The following ADGRB1 variants were observed in gnomAD, a reference collection of about 807,000 sequenced individuals.
The protein encoded by ADGRB1 is adhesion G protein-coupled receptor B1.
A neutral mutation model predicts 175.7 loss-of-function variants in ADGRB1; 36 were observed. The observed-to-expected ratio is 0.20, with a 90% CI of 0.16 to 0.27. ADGRB1 has a LOEUF of 0.27. Among genes scored for constraint, ADGRB1 ranks in the 10% least tolerant of loss-of-function variants. ADGRB1 has a pLI of 1.00. For missense variants in ADGRB1, 1,731 were observed against 2,255.3 expected, an observed-to-expected ratio of 0.77 and a Z score of 4.71; for synonymous variants, 1,054 against 979.4, an observed-to-expected ratio of 1.08 and a Z score of -1.42.
rs890750234 is a variant in ADGRB1, at chr8:142,474,742, GAGAA to G, written c.785-728_785-725del. ...CGCGGGGACTGTCGGGGCAGGGATG[GAGAA>G]AGACTCACTAGAGAAGCTGAACAGA... On this transcript the variant is annotated intron_variant, in intron 2 of 30. Transcript: ENST00000517894. This position sits in a 1 kb window ranked among gnomAD's most constrained non-coding sequence, Gnocchi z 5.8. Among the ~76,000 whole-genome samples, 1 of 152,166 alleles carries G rather than the reference GAGAA, an allele frequency of 6.6e-6. No homozygotes were observed. The highest frequency in any genetic ancestry group is 2.4e-5 in the African/African-American group (1 of 41,446).
intron 2 of ADGRB1, among the ~76,000 whole-genome samples, chr8:142,473,085 T>A (rs1840751700): frequency 6.6e-6 from 1 of 152,110 alleles, no homozygotes; most frequent in Non-Finnish European, 1.5e-5. Flanking sequence ...GTGGGTGTTT[T>A]GGCAGCTGAG....
intron 1 of ADGRB1, among the ~76,000 whole-genome samples, chr8:142,456,346 C>T (rs991468077): frequency 2.0e-5 from 3 of 152,154 alleles, no homozygotes; most frequent in African/African-American, 7.2e-5. Flanking sequence ...CCTGCACACA[C>T]GCATGTGCAC....
chr8:142,469,741 ATG>A (rs962211501), intron 2 of ADGRB1, among the ~76,000 whole-genome samples: 8 of 150,960 alleles, frequency 5.3e-5, no homozygotes, highest in African/African-American at 1.5e-4. Context: ...ATGTGTGTGA[ATG>A]TGTGAGTGCC....
At position 142,481,748 on chromosome 8, in the gene ADGRB1, G is replaced by A. The variant is rs375811347; in HGVS notation, c.2130+37G>A. On this transcript the variant is annotated intron_variant, in intron 11 of 30. Coordinates refer to ENST00000517894, the MANE Select transcript of ADGRB1 (RefSeq NM_001702.3). ...GAGCGGCATTTTGGAAGAGGGTGTCGGGAAGGTGTCTGGGGAGCCCTCCTC... is the reference window on the plus strand; with the variant it reads ...GAGCGGCATTTTGGAAGAGGGTGTCAGGAAGGTGTCTGGGGAGCCCTCCTC... The A allele has an allele frequency of 5.2e-5, 77 of 1,481,372 alleles. 1 individual carries two copies. The Middle Eastern group carries it at 7.1e-4, about 14-fold the overall frequency. 91.8% of individuals were successfully genotyped at this position (1,481,372 alleles called of 1,614,324 possible). A position where few individuals can be genotyped will look rare whatever the true frequency, so the allele number is the denominator to read the frequency against.
Position 142,524,232 on chromosome 8 carries a change from C to T in ADGRB1, c.3246-6C>T, listed in dbSNP as rs759834923. On this transcript the variant is annotated splice_polypyrimidine_tract_variant and splice_region_variant and intron_variant, in intron 22 of 30. Transcript: ENST00000517894. ...GGGCGGTGCTGATGGCCTGTCTCCT[C>T]CCCAGCTGCTGGCTCTCCCTGGAGG... 1.0e-5 allele frequency: 16 copies of T among 1,598,336 alleles called. No homozygotes were observed. The highest frequency in any genetic ancestry group is 4.5e-5 in the East Asian group (2 of 44,788).
intron 16 of ADGRB1, among the ~76,000 whole-genome samples, chr8:142,490,001 C>T (rs780454459): frequency 2.6e-5 from 4 of 152,168 alleles, no homozygotes; most frequent in Non-Finnish European, 2.9e-5. Context: ...GAGTAGGGGC[C>T]GAGATGCCCT....
chr8:142,544,513 G>A lies in ADGRB1; in HGVS notation c.*96G>A. On this transcript the variant is annotated 3_prime_UTR_variant, in exon 31 of 31. Coordinates refer to ENST00000517894, the MANE Select transcript of ADGRB1 (RefSeq NM_001702.3). ...GGCACAGACACGCTCGCGGGCAGCG[G>A]GCCAGGCCCGCACCCCGGCCTCAGG... 3 of 1,344,772 alleles carry A rather than the reference G, an allele frequency of 2.2e-6. No individual in the cohort carries two copies. The highest frequency in any genetic ancestry group is 2.9e-6 in the Non-Finnish European group (3 of 1,038,734). The allele number at this position is 1,344,772 out of a possible 1,614,324, so 83.3% of individuals were successfully genotyped here.
rs1306500343 is a variant in ADGRB1, at chr8:142,537,302, TCTCAGCGGAGGCTGGCATCCACCCCACA to T, written c.3666+225_3666+252del. Among the ~76,000 whole-genome samples the T allele has an allele frequency of 6.6e-6, 1 of 151,750 alleles. No homozygotes were observed. Among genetic ancestry groups the T allele is most frequent in the African/African-American group, 2.4e-5 (1 of 41,250 alleles). On this transcript the variant is annotated intron_variant, in intron 26 of 30. Coordinates refer to ENST00000517894, the MANE Select transcript of ADGRB1 (RefSeq NM_001702.3). The surrounding 1 kb of genome is among the most constrained non-coding windows in gnomAD (Gnocchi z 4.6). ...AGGCCTGAGCTGATGAGTTTGGAGG[TCTCAGCGGAGGCTGGCATCCACCCCACA>T]CTCACCCCCGCTGGCAGCAGTGCCC...
chr8:142,465,774 G>T (rs1321278255), intron 2 of ADGRB1, among the ~76,000 whole-genome samples: 1 of 152,158 alleles, frequency 6.6e-6, no homozygotes, highest in Non-Finnish European at 1.5e-5. Flanking sequence ...CGAGGACGAG[G>T]GACCTTGTTC....
chr8:142,491,534 G>A (rs893006994), intron 17 of ADGRB1, among the ~76,000 whole-genome samples: 3 of 152,222 alleles, frequency 2.0e-5, no homozygotes, highest in Non-Finnish European at 4.4e-5. Flanking sequence ...CAGCGCCCAG[G>A]GCTGAGCTAG....
chr8:142,521,094 G>T (rs1237586267), intron 20 of ADGRB1, among the ~76,000 whole-genome samples, 169 bp downstream of exon 20: 1 of 152,290 alleles, frequency 6.6e-6, no homozygotes, highest in East Asian at 1.9e-4. Context: ...TGCTGTGGCT[G>T]CAGGAGCCTG....
At chr8:142,498,883 C>A (rs904104992) in intron 17 of ADGRB1, among the ~76,000 whole-genome samples, 1 of 152,206 alleles carries the variant, frequency 6.6e-6, no homozygotes, top group Non-Finnish European at 1.5e-5. Context: ...GAGGAGGGGA[C>A]AGGTGGGCAT....
chr8:142,466,741 C>G (rs1840299590), intron 2 of ADGRB1, among the ~76,000 whole-genome samples: 1 of 152,058 alleles, frequency 6.6e-6, no homozygotes, highest in African/African-American at 2.4e-5. Context: ...AGGGCTCTTT[C>G]AGGGAGTAGA....
At chr8:142,463,448 G>A (rs945992023) in intron 1 of ADGRB1, among the ~76,000 whole-genome samples, 3 of 152,238 alleles carry the variant, frequency 2.0e-5, no homozygotes, top group African/African-American at 4.8e-5. Flanking sequence ...GGAATGGCCC[G>A]AGTAACCTTT....
chr8:142,489,517 A>G, intron 16 of ADGRB1, 79 bp downstream of exon 16: 1 of 1,461,750 alleles, frequency 6.8e-7, no homozygotes, highest in Non-Finnish European at 9.5e-7. Context: ...TCAGCCACTA[A>G]GCCTTTGGGG....
At chr8:142,499,328 A>G (rs936670864) in intron 17 of ADGRB1, among the ~76,000 whole-genome samples, 2 of 152,180 alleles carry the variant, frequency 1.3e-5, no homozygotes, top group Admixed American at 6.5e-5. Flanking sequence ...AGTATTACGG[A>G]ACGAGAGTTG....
chr8:142,507,711 G>A (rs371059615), intron 17 of ADGRB1, among the ~76,000 whole-genome samples: 2 of 152,216 alleles, frequency 1.3e-5, no homozygotes, highest in Non-Finnish European at 2.9e-5. Flanking sequence ...CTGCACCCTC[G>A]AAGTGCTCCC....
In ADGRB1 at chr8:142,464,493, G is replaced by A. The variant is rs773395322; in HGVS notation, c.295G>A (p.Val99Met). 3 of 1,581,700 alleles carry A rather than the reference G, an allele frequency of 1.9e-6. No homozygotes were observed. Among genetic ancestry groups the A allele is most frequent in the African/African-American group, 2.7e-5 (2 of 73,096 alleles). Reference sequence around the variant, plus strand: ...CGTGCCCTGCAGCGGCCCCGGCCGCGTGCGCACCTACCAGTTCGACTCCTT... The same window carrying A: ...CGTGCCCTGCAGCGGCCCCGGCCGCATGCGCACCTACCAGTTCGACTCCTT... ...APVPCSGPGR[V>M]RTYQFDSFLE... Residue 99 changes from valine to methionine, a missense_variant, in exon 2 of 31, where the codon GTG becomes ATG. Val to Met is a conservative substitution (Grantham distance 21, BLOSUM62 1). Coordinates refer to ENST00000517894, the MANE Select transcript of ADGRB1 (RefSeq NM_001702.3).
chr8:142,541,610 G>T (rs780141280), intron 27 of ADGRB1, among the ~76,000 whole-genome samples: 1 of 152,186 alleles, frequency 6.6e-6, no homozygotes, highest in Non-Finnish European at 1.5e-5. Context: ...CTGTGCTTCC[G>T]GGAGTCAAGG....
Sources: allele counts gnomAD v4.1 joint callset (sites outside exome capture counted in the v4.1 genomes callset), GRCh38; gene constraint gnomAD v4.1.1; non-coding constraint Gnocchi (gnomAD v3.1); transcripts MANE v1.5; gene names NCBI Gene and HGNC (gene_info 2026-07-23, HGNC 2026-07-21).